Variants in KPNA1 observed in about 807,000 individuals in gnomAD.
The protein encoded by KPNA1 is karyopherin subunit alpha 1.
In KPNA1, 10 loss-of-function variants were observed where a neutral mutation model predicts 70.5. The observed-to-expected ratio is 0.14, with a 90% CI of 0.09 to 0.24. KPNA1 has a LOEUF of 0.24. Ranked by LOEUF, KPNA1 falls within the 10% of genes least tolerant of loss-of-function variation. KPNA1 has a pLI of 1.00. For synonymous variants in KPNA1, 192 were observed against 221.9 expected, an observed-to-expected ratio of 0.87 and a Z score of 1.20; for missense variants, 397 against 637.9, an observed-to-expected ratio of 0.62 and a Z score of 4.07.
chr3:122,436,357 T>C lies in KPNA1; in HGVS notation c.1122+813A>G, dbSNP rs144627888. Reference sequence around the variant, plus strand: ...TGCCTTGTGATATTTTATTGCCTTGTGAAGTATGTGATCTCTGTGACCCAC... The same window carrying C: ...TGCCTTGTGATATTTTATTGCCTTGCGAAGTATGTGATCTCTGTGACCCAC... On this transcript the variant is annotated intron_variant, in intron 11 of 13. Coordinates refer to ENST00000344337, the MANE Select transcript of KPNA1 (RefSeq NM_002264.4). 2.6e-5 allele frequency among the ~76,000 whole-genome samples: 4 copies of C among 152,348 alleles called. No individual in the cohort carries two copies. The East Asian group carries it at 7.7e-4, about 29-fold the overall frequency.
Position 122,422,465 on chromosome 3 carries a change from A to G in KPNA1, c.*4520T>C, listed in dbSNP as rs1460319810. On this transcript the variant is annotated 3_prime_UTR_variant, in exon 14 of 14. Transcript: ENST00000344337. ...CTACACTCCAGTCTGTGTAACCTAA[A>G]AGCAACTTAAGCCTGATTTCGTCAT... 6.6e-6 allele frequency: 1 copy of G among 152,212 alleles called. No individual in the cohort carries two copies. The highest frequency in any genetic ancestry group is 1.5e-5 in the Non-Finnish European group (1 of 68,046). 9.4% of individuals were successfully genotyped at this position (152,212 alleles called of 1,614,324 possible).
chr3:122,508,312 C>G (rs556993706), intron 1 of KPNA1, among the ~76,000 whole-genome samples: 6 of 152,300 alleles, frequency 3.9e-5, no homozygotes, highest in African/African-American at 1.4e-4. Context: ...CAAGCTGATT[C>G]ACACTACCTA....
At chr3:122,491,333 GACTTAGA>G (rs1195808951) in intron 2 of KPNA1, among the ~76,000 whole-genome samples, 2 of 152,128 alleles carry the variant, frequency 1.3e-5, no homozygotes, top group Non-Finnish European at 2.9e-5. Context: ...TCCAATATTT[GACTTAGA>G]ACAGCAAAGC....
At chr3:122,460,615 C>T (rs781477735) in intron 5 of KPNA1, 26 of 430,490 alleles carry the variant, frequency 6.0e-5, no homozygotes, top group Admixed American at 2.7e-4. Flanking sequence ...CCAGCATGGG[C>T]GACAGAGCAA....
At chr3:122,508,871 T>C (rs1372944669) in intron 1 of KPNA1, among the ~76,000 whole-genome samples, 1 of 152,074 alleles carries the variant, frequency 6.6e-6, no homozygotes, top group Admixed American at 6.5e-5. Context: ...AAGACAACAA[T>C]GGTAACAAAA....
Position 122,463,960 on chromosome 3 carries a change from T to C in KPNA1, c.319A>G (p.Arg107Gly). 1 of 1,599,778 alleles carries C rather than the reference T, an allele frequency of 6.3e-7. No individual in the cohort carries two copies. Among genetic ancestry groups the C allele is most frequent in the South Asian group, 1.1e-5 (1 of 89,828 alleles). The change falls in exon 4 of 14, where the codon AGG (arginine) becomes GGG (glycine). Residue 107 changes from arginine (R) to glycine (G), a missense_variant. Coordinates refer to ENST00000344337, the MANE Select transcript of KPNA1 (RefSeq NM_002264.4). ...AGCTCACCTTTTGAAAGCAGCTTCC[T>C]GAATTTCTGTGTTGCTGAAAGCTGT... ...EQQLSATQKF[R>G]KLLSKEPNPP...
intron 2 of KPNA1, among the ~76,000 whole-genome samples, chr3:122,470,279 G>A (rs552066746): frequency 4.2e-4 from 64 of 152,268 alleles, no homozygotes; most frequent in Non-Finnish European, 5.1e-4. Flanking sequence ...TTGGGAGGAG[G>A]CGGCGGGTGG....
At chr3:122,503,256 C>CAT (rs5852301) in intron 1 of KPNA1, among the ~76,000 whole-genome samples, 34,207 of 149,692 alleles carry the variant, frequency 0.23, 4,631 homozygotes, top group Admixed American at 0.33. Context: ...AGCATGCATA[C>CAT]ATATATATAT....
At chr3:122,471,966 G>A (rs573338995) in intron 2 of KPNA1, among the ~76,000 whole-genome samples, 1 of 152,284 alleles carries the variant, frequency 6.6e-6, no homozygotes, top group East Asian at 1.9e-4. Flanking sequence ...TGATAGAATT[G>A]CAAAGAGAAA....
At chr3:122,511,969 A>G (rs1019061769) in intron 1 of KPNA1, among the ~76,000 whole-genome samples, 3 of 150,244 alleles carry the variant, frequency 2.0e-5, no homozygotes, top group African/African-American at 7.3e-5. Flanking sequence ...ATATAATCCT[A>G]TTCTCAAATG....
chr3:122,464,644 T>C (rs751383067), intron 3 of KPNA1, among the ~76,000 whole-genome samples: 23 of 152,328 alleles, frequency 1.5e-4, no homozygotes, highest in Middle Eastern at 6.8e-3. Flanking sequence ...CTTAAACTTA[T>C]TTAAAATTTC....
chr3:122,430,559 C>CTGTGTG (rs113921259), intron 12 of KPNA1, among the ~76,000 whole-genome samples: 27,804 of 144,150 alleles, frequency 0.19, 2,913 homozygotes, highest in Non-Finnish European at 0.24. Flanking sequence ...CTCAAATAAA[C>CTGTGTG]TGTGTGTGTG....
chr3:122,455,602 C>G (rs1458713121), intron 5 of KPNA1, among the ~76,000 whole-genome samples: 1 of 152,122 alleles, frequency 6.6e-6, no homozygotes, highest in East Asian at 1.9e-4. Context: ...GTTGCCCAGG[C>G]TGGAGTGCAA....
intron 1 of KPNA1, among the ~76,000 whole-genome samples, chr3:122,510,692 G>C (rs890114560): frequency 1.2e-4 from 18 of 152,002 alleles, no homozygotes; most frequent in African/African-American, 4.1e-4. Context: ...ATCTATAATT[G>C]CTATATCATG....
intron 9 of KPNA1, among the ~76,000 whole-genome samples, chr3:122,444,056 G>A (rs1258486771): frequency 6.6e-6 from 1 of 152,152 alleles, no homozygotes; most frequent in Non-Finnish European, 1.5e-5. Flanking sequence ...GACACTCCCA[G>A]AGCGGCCATT....
At position 122,483,370 on chromosome 3, in the gene KPNA1, G is replaced by A. The variant is rs980990406; in HGVS notation, c.129+13067C>T. The A allele has an allele frequency of 1.9e-5, 3 of 155,232 alleles. No individual in the cohort carries two copies. The Admixed American group carries it at 1.9e-4, about 10-fold the overall frequency. 9.6% of individuals were successfully genotyped at this position (155,232 alleles called of 1,614,324 possible). A position where few individuals can be genotyped will look rare whatever the true frequency, so the allele number is the denominator to read the frequency against. ...TTTGTTTTGTTTTTTTTAAATTGGA[G>A]TTTCACTCTTGTTGCCGAGGCTGGA... On this transcript the variant is annotated intron_variant, in intron 2 of 13. Coordinates refer to ENST00000344337, the MANE Select transcript of KPNA1 (RefSeq NM_002264.4).
At chr3:122,433,255 C>G (rs953158140) in intron 12 of KPNA1, 1 of 158,460 alleles carries the variant, frequency 6.3e-6, no homozygotes, top group African/African-American at 2.4e-5. Context: ...ATTAAGACAT[C>G]TAAACTAAAA....
intron 12 of KPNA1, among the ~76,000 whole-genome samples, 159 bp downstream of exon 12, chr3:122,433,502 G>A (rs1453250037): frequency 6.6e-6 from 1 of 152,166 alleles, no homozygotes; most frequent in Non-Finnish European, 1.5e-5. Flanking sequence ...CCTAAGGACT[G>A]GAACTAAACA....
intron 1 of KPNA1, among the ~76,000 whole-genome samples, chr3:122,504,635 T>C (rs1474484158): frequency 6.6e-6 from 1 of 152,106 alleles, no homozygotes. Flanking sequence ...TAAGAAACTG[T>C]CTGTGTGTGT....
Sources: gnomAD v4.1 joint callset for allele counts (sites outside exome capture counted in the v4.1 genomes callset) on GRCh38, gnomAD v4.1.1 for gene constraint, MANE v1.5 for transcripts, NCBI Gene and HGNC (gene_info 2026-07-23, HGNC 2026-07-21) for gene names.